The following DDX10 variants were observed in gnomAD, a reference collection of about 807,000 sequenced individuals.
DDX10 encodes probable ATP-dependent RNA helicase DDX10.
In DDX10, 74 loss-of-function variants were observed where a neutral mutation model predicts 104.3. The observed-to-expected ratio is 0.71, with a 90% CI of 0.59 to 0.86. DDX10 has a LOEUF of 0.86. DDX10 is among the 40% of genes least tolerant of loss of function. The pLI, the probability that DDX10 is intolerant of heterozygous loss-of-function variation, is 0.00. For synonymous variants in DDX10, 351 were observed against 353.4 expected (o/e 0.99, Z 0.08); for missense variants, 952 against 1,040.0 (o/e 0.92, Z 1.16).
In DDX10 at chr11:108,677,326, A is replaced by G. The variant is rs886498766; in HGVS notation, c.537+83A>G. Reference sequence around the variant, plus strand: ...GGCCGATGACAGGGAGGCAGCAGAGACTTCATCTAAACAGACTGACCTAGA... The same window carrying G: ...GGCCGATGACAGGGAGGCAGCAGAGGCTTCATCTAAACAGACTGACCTAGA... On this transcript the variant is annotated intron_variant, in intron 4 of 17. Coordinates refer to ENST00000322536, the MANE Select transcript of DDX10 (RefSeq NM_004398.4). The G allele has an allele frequency of 7.7e-6, 10 of 1,295,118 alleles. No individual in the cohort carries two copies. The African/African-American group carries it at 1.5e-4, about 19-fold the overall frequency. 80.2% of individuals were successfully genotyped at this position (1,295,118 alleles called of 1,614,324 possible).
At chr11:108,844,411 G>A (rs1268846795) in intron 15 of DDX10, among the ~76,000 whole-genome samples, 1 of 152,184 alleles carries the variant, frequency 6.6e-6, no homozygotes, top group East Asian at 1.9e-4. Context: ...GCAGTCGTGA[G>A]TACTGTAGCA....
chr11:108,730,331 G>A (rs368984480), intron 13 of DDX10, among the ~76,000 whole-genome samples: 9 of 152,174 alleles, frequency 5.9e-5, no homozygotes, highest in African/African-American at 1.2e-4. Flanking sequence ...TGAAAGTCTC[G>A]TAGAAAAGTG....
chr11:108,842,604 G>C (rs1334392267), intron 15 of DDX10, among the ~76,000 whole-genome samples: 2 of 152,216 alleles, frequency 1.3e-5, no homozygotes, highest in Non-Finnish European at 2.9e-5. Flanking sequence ...TGAATGTTGA[G>C]AAAAGCATTC....
intron 11 of DDX10, among the ~76,000 whole-genome samples, chr11:108,717,420 C>T (rs918793115): frequency 2.1e-4 from 32 of 152,284 alleles, no homozygotes; most frequent in African/African-American, 7.0e-4. Flanking sequence ...GGTGATTCTC[C>T]TGCTTCAGCC....
chr11:108,841,351 A>G lies in DDX10; in HGVS notation c.2122A>G (p.Ile708Val), dbSNP rs201156444. Reference sequence around the variant, plus strand: ...GTGGCCACAAATGCAGAAATCTGCCATCAAGGATGCTGAGGAAGATGATGA... The same window carrying G: ...GTGGCCACAAATGCAGAAATCTGCCGTCAAGGATGCTGAGGAAGATGATGA... ...QQWPQMQKSA[I>V]KDAEEDDDTG... is the part of the protein sequence containing the mutation. The change falls in exon 15 of 18, where the codon ATC (isoleucine) becomes GTC (valine). Residue 708 changes from isoleucine to valine, a missense_variant. Physicochemically the swap from Ile to Val is conservative, Grantham distance 29 (BLOSUM62 3). This residue lies in a region of DDX10 where 533 missense variants were observed against 534.1 expected (regional missense o/e 1.00). Transcript: ENST00000322536. 242 of 1,613,636 alleles carry G rather than the reference A, an allele frequency of 1.5e-4. 1 individual carries two copies. Among genetic ancestry groups the G allele is most frequent in the Admixed American group, 7.8e-4 (47 of 60,010 alleles).
At position 108,719,028 on chromosome 11, in the gene DDX10, T is replaced by C. The variant is rs114937043; in HGVS notation, c.1411-769T>C. Among the ~76,000 whole-genome samples, 1,485 of 152,088 alleles carry C rather than the reference T, an allele frequency of 9.8e-3. 25 individuals are homozygous for C. The highest frequency in any genetic ancestry group is 0.032 in the African/African-American group (1,318 of 41,500). The stretch of plus-strand genomic sequence containing the variant: ...AAAATTACCTAGATGAGTTTTGTTA[T>C]CTGTGTATTTGACAAACTGATAAAG... On this transcript the variant is annotated intron_variant, in intron 11 of 17. Coordinates refer to ENST00000322536, the MANE Select transcript of DDX10 (RefSeq NM_004398.4).
chr11:108,806,695 G>A (rs897191126), intron 13 of DDX10, among the ~76,000 whole-genome samples: 27 of 152,186 alleles, frequency 1.8e-4, no homozygotes, highest in African/African-American at 6.5e-4. Context: ...CTCAGAGGGC[G>A]CGTTGGATCT....
chr11:108,861,692 C>G (rs1473531615), intron 16 of DDX10, among the ~76,000 whole-genome samples: 1 of 152,002 alleles, frequency 6.6e-6, no homozygotes, highest in Non-Finnish European at 1.5e-5. Context: ...TGAGAGTGTT[C>G]TAATTTCTTA....
At position 108,673,455 on chromosome 11, in the gene DDX10, CT is replaced by C. The variant is rs1413629309; in HGVS notation, c.187-5del. 3.8e-6 allele frequency: 6 copies of C among 1,559,668 alleles called. No homozygotes were observed. The highest frequency in any genetic ancestry group is 4.4e-6 in the Non-Finnish European group (5 of 1,133,852). On this transcript the variant is annotated splice_polypyrimidine_tract_variant and intron_variant, in intron 1 of 17. Transcript: ENST00000322536. The stretch of plus-strand genomic sequence containing the variant: ...AAATGAGTTACCCTGATTCCTTTTT[CT>C]TTTTTTCCAGATAAATGTAAATGAA...
At chr11:108,718,589 T>C (rs1404833458) in intron 11 of DDX10, among the ~76,000 whole-genome samples, 2 of 152,188 alleles carry the variant, frequency 1.3e-5, no homozygotes, top group South Asian at 2.1e-4. Context: ...ATTGGAAAGA[T>C]GTTTTTTCAC....
intron 3 of DDX10, among the ~76,000 whole-genome samples, chr11:108,676,698 C>T (rs2094225677): frequency 6.6e-6 from 1 of 152,204 alleles, no homozygotes; most frequent in South Asian, 2.1e-4. Flanking sequence ...GCACCCGCCT[C>T]CTCCTCCAAA....
chr11:108,779,849 T>G (rs953569969), intron 13 of DDX10, among the ~76,000 whole-genome samples: 2 of 152,188 alleles, frequency 1.3e-5, no homozygotes, highest in African/African-American at 2.4e-5. Flanking sequence ...CTCTGTTGTT[T>G]TATTTACTTG....
At chr11:108,913,989 A>G (rs1863713455) in intron 16 of DDX10, among the ~76,000 whole-genome samples, 1 of 152,236 alleles carries the variant, frequency 6.6e-6, no homozygotes, top group Admixed American at 6.5e-5. Context: ...AATATGGTAT[A>G]GCACCAACAT....
chr11:108,757,026 T>A (rs879884926), intron 13 of DDX10, among the ~76,000 whole-genome samples: 1 of 152,062 alleles, frequency 6.6e-6, no homozygotes, highest in Admixed American at 6.6e-5. Flanking sequence ...CCAGAACAGA[T>A]GATTGTAGTC....
chr11:108,792,818 G>A (rs1861889180), intron 13 of DDX10, among the ~76,000 whole-genome samples: 1 of 151,942 alleles, frequency 6.6e-6, no homozygotes, highest in Non-Finnish European at 1.5e-5. Context: ...TACTAATATT[G>A]ATCAATTTGT....
At chr11:108,808,208 GT>G (rs977189032) in intron 13 of DDX10, among the ~76,000 whole-genome samples, 17 of 151,906 alleles carry the variant, frequency 1.1e-4, no homozygotes, top group African/African-American at 3.9e-4. Flanking sequence ...AATTTGCGGA[GT>G]TTTTTTTACA....
intron 13 of DDX10, among the ~76,000 whole-genome samples, chr11:108,816,627 A>G (rs528720510): frequency 6.7e-6 from 1 of 148,778 alleles, no homozygotes; most frequent in South Asian, 2.1e-4. Context: ...ATCTTGGCTC[A>G]CTGCAACGTC....
intron 17 of DDX10, among the ~76,000 whole-genome samples, chr11:108,930,027 G>C (rs1863957160): frequency 6.6e-6 from 1 of 152,146 alleles, no homozygotes; most frequent in South Asian, 2.1e-4. Context: ...AATGTCTGTA[G>C]TTCAAATTAG....
chr11:108,665,912 A>G (rs972645201), intron 1 of DDX10, among the ~76,000 whole-genome samples: 1 of 152,186 alleles, frequency 6.6e-6, no homozygotes, highest in Non-Finnish European at 1.5e-5. Context: ...TTTTCTCCAC[A>G]GGCTTCATGT....
Sources: gnomAD v4.1 joint callset for allele counts (sites outside exome capture counted in the v4.1 genomes callset) on GRCh38, gnomAD v4.1.1 for gene constraint, gnomAD v4.1.1 regional missense constraint, MANE v1.5 for transcripts, NCBI Gene and HGNC (gene_info 2026-07-23, HGNC 2026-07-21) for gene names.